STXBP4: variants seen among roughly 807,000 people sequenced by gnomAD.
The protein encoded by STXBP4 is syntaxin binding protein 4.
In STXBP4, 55 loss-of-function variants were observed where a neutral mutation model predicts 76.1. The ratio of observed to expected loss-of-function variants is 0.72; its 90% CI spans 0.58 to 0.91. The LOEUF (loss-of-function observed/expected upper bound fraction) is 0.91. Ranked by LOEUF, STXBP4 falls within the 40% of genes least tolerant of loss-of-function variation. STXBP4 has a pLI of 0.00. For missense variants in STXBP4, 618 were observed against 636.9 expected, an observed-to-expected ratio of 0.97 and a Z score of 0.32; for synonymous variants, 201 against 220.2, an observed-to-expected ratio of 0.91 and a Z score of 0.77.
At chr17:55,133,505 GA>G (rs1272261376) in intron 16 of STXBP4, among the ~76,000 whole-genome samples, 1 of 152,170 alleles carries the variant, frequency 6.6e-6, no homozygotes, top group African/African-American at 2.4e-5. Context: ...TATTTAAATA[GA>G]AACTGGATGA....
At chr17:55,196,803 A>G in the STXBP4 span, among the ~76,000 whole-genome samples, 2 of 152,228 alleles carry the variant, frequency 1.3e-5, no homozygotes, top group Admixed American at 1.3e-4. Context: ...AATAGACTTG[A>G]TGACAATTCT....
intron 12 of STXBP4, among the ~76,000 whole-genome samples, chr17:55,066,279 A>G (rs955355630): frequency 9.2e-5 from 14 of 152,006 alleles, no homozygotes; most frequent in Non-Finnish European, 1.9e-4. Context: ...GCTAGAGTGC[A>G]GTGGTGTGAT....
intron 16 of STXBP4, among the ~76,000 whole-genome samples, chr17:55,110,180 A>G (rs543455714): frequency 1.3e-5 from 2 of 151,766 alleles, no homozygotes; most frequent in East Asian, 1.9e-4. Context: ...ATATCACATC[A>G]CTCTGACACT....
At chr17:55,041,167 T>C (rs2144732035) in intron 10 of STXBP4, among the ~76,000 whole-genome samples, 1 of 151,876 alleles carries the variant, frequency 6.6e-6, no homozygotes. Context: ...ATCCCTAAAA[T>C]CCCAATCCTA....
Position 55,084,970 on chromosome 17 carries a change from C to A in STXBP4, c.1489+3787C>A, listed in dbSNP as rs1440951187. ...ACTTGGAACCAACCCAAATGTCCAACAATGATAGACTGGATTAAGAAAATG... is the reference window on the plus strand; with the variant it reads ...ACTTGGAACCAACCCAAATGTCCAAAAATGATAGACTGGATTAAGAAAATG... On this transcript the variant is annotated intron_variant, in intron 16 of 17. Coordinates refer to ENST00000376352, the MANE Select transcript of STXBP4 (RefSeq NM_178509.6). Among the ~76,000 whole-genome samples, 5 of 152,182 alleles carry A rather than the reference C, an allele frequency of 3.3e-5. No homozygotes were observed. In the East Asian group the frequency reaches 5.8e-4, roughly 18 times the overall value.
chr17:55,093,692 G>A (rs2079446733), intron 16 of STXBP4, among the ~76,000 whole-genome samples: 1 of 152,164 alleles, frequency 6.6e-6, no homozygotes, highest in Non-Finnish European at 1.5e-5. Flanking sequence ...CCAGCAACAA[G>A]AGAAATAATT....
In STXBP4 at chr17:54,986,167, A is replaced by G. The variant is rs889680961; in HGVS notation, c.-53A>G. 6.9e-7 allele frequency: 1 copy of G among 1,456,694 alleles called. No homozygotes were observed. Among genetic ancestry groups the G allele is most frequent in the East Asian group, 2.3e-5 (1 of 43,810 alleles). 90.2% of individuals were successfully genotyped at this position (1,456,694 alleles called of 1,614,324 possible). A position where few individuals can be genotyped will look rare whatever the true frequency, so the allele number is the denominator to read the frequency against. ...GAAAAGAAGAATTTCTAGACTCTTC[A>G]TCAAGATCTTCATTTATACAGCTGT... On this transcript the variant is annotated 5_prime_UTR_variant, in exon 3 of 18. Coordinates refer to ENST00000376352, the MANE Select transcript of STXBP4 (RefSeq NM_178509.6).
chr17:55,072,468 A>G (rs911533915), intron 12 of STXBP4, among the ~76,000 whole-genome samples: 1 of 152,174 alleles, frequency 6.6e-6, no homozygotes, highest in Non-Finnish European at 1.5e-5. Flanking sequence ...AGCTTGGTCC[A>G]TGGAGAAGCC....
At chr17:55,054,450 C>T (rs1488436776) in intron 12 of STXBP4, among the ~76,000 whole-genome samples, 1 of 152,158 alleles carries the variant, frequency 6.6e-6, no homozygotes, top group East Asian at 1.9e-4. Flanking sequence ...GACTACACTG[C>T]ACTCCAGCCT....
chr17:54,990,104 GT>G (rs1312249416), intron 3 of STXBP4, among the ~76,000 whole-genome samples: 1 of 152,136 alleles, frequency 6.6e-6, no homozygotes, highest in East Asian at 1.9e-4. Context: ...ATTCTTTTGT[GT>G]TTTGGATGTT....
chr17:55,043,334 T>C lies in STXBP4; in HGVS notation c.945+9T>C. ...AAGTAAATACACTTAAGGTAACCTC[T>C]AATTTAGTTTCCTTATGTTTTCTTC... On this transcript the variant is annotated intron_variant, in intron 11 of 17. Coordinates refer to ENST00000376352, the MANE Select transcript of STXBP4 (RefSeq NM_178509.6). 7.1e-7 allele frequency: 1 copy of C among 1,411,408 alleles called. No individual in the cohort carries two copies. The highest frequency in any genetic ancestry group is 9.5e-7 in the Non-Finnish European group (1 of 1,054,578). The allele number at this position is 1,411,408 out of a possible 1,614,324, so 87.4% of individuals were successfully genotyped here. A position where few individuals can be genotyped will look rare whatever the true frequency, so the allele number is the denominator to read the frequency against.
intron 1 of STXBP4, among the ~76,000 whole-genome samples, chr17:54,969,350 C>G (rs1169211532): frequency 6.6e-6 from 1 of 152,152 alleles, no homozygotes; most frequent in African/African-American, 2.4e-5. Flanking sequence ...TCCCACAGGA[C>G]GAACTCGAGG....
intron 12 of STXBP4, among the ~76,000 whole-genome samples, chr17:55,066,820 A>T (rs1235706276): frequency 6.6e-6 from 1 of 152,120 alleles, no homozygotes; most frequent in Non-Finnish European, 1.5e-5. Flanking sequence ...TGGGAGGCGG[A>T]GGTTGCGGTG....
At chr17:55,054,164 T>C (rs1384233311) in intron 12 of STXBP4, among the ~76,000 whole-genome samples, 1 of 152,162 alleles carries the variant, frequency 6.6e-6, no homozygotes, top group African/African-American at 2.4e-5. Flanking sequence ...TGAAAAAATA[T>C]ATAAACAAAA....
rs576944580 is a variant in STXBP4 at position 55,058,881 on chromosome 17, A to T, written c.1011+11727A>T. 3.2e-3 allele frequency among the ~76,000 whole-genome samples: 472 copies of T among 148,714 alleles called. 10 individuals are homozygous for T. Among genetic ancestry groups the T allele is most frequent in the East Asian group, 0.024 (127 of 5,186 alleles). On this transcript the variant is annotated intron_variant, in intron 12 of 17. Transcript: ENST00000376352. ...TTCTGGTGACTAATTTTATTTATTT[A>T]TTTTTTTAACTGCTAATACGAAACT...
chr17:55,151,244 G>T (rs1012265851), intron 17 of STXBP4, among the ~76,000 whole-genome samples: 1 of 152,182 alleles, frequency 6.6e-6, no homozygotes, highest in Non-Finnish European at 1.5e-5. Context: ...GAAGTAGAGT[G>T]GGGAGGGTAG....
At chr17:55,188,232 G>C in the STXBP4 span, among the ~76,000 whole-genome samples, 1 of 152,212 alleles carries the variant, frequency 6.6e-6, no homozygotes, top group African/African-American at 2.4e-5. Flanking sequence ...GTCAGCACTG[G>C]ATTAATGAAG....
intron 8 of STXBP4, among the ~76,000 whole-genome samples, chr17:55,026,579 C>T (rs1217077244): frequency 6.6e-6 from 1 of 152,106 alleles, no homozygotes; most frequent in East Asian, 1.9e-4. Flanking sequence ...AGATACACAC[C>T]CCAACTGGGG....
chr17:55,198,005 T>C, the STXBP4 span, among the ~76,000 whole-genome samples: 2 of 152,146 alleles, frequency 1.3e-5, no homozygotes, highest in African/African-American at 2.4e-5. Context: ...TGAAAGTACA[T>C]TCCACAGGGT....
Sources: gnomAD v4.1 joint callset for allele counts (sites outside exome capture counted in the v4.1 genomes callset) on GRCh38, gnomAD v4.1.1 for gene constraint, MANE v1.5 for transcripts, NCBI Gene and HGNC (gene_info 2026-07-23, HGNC 2026-07-21) for gene names.